Variants in CLIP2 observed in about 807,000 individuals in gnomAD.
The protein encoded by CLIP2 is CAP-Gly domain containing linker protein 2, also known as CAP-Gly domain-containing linker protein 2.
In CLIP2, 41 loss-of-function variants were observed where a neutral mutation model predicts 111.7. The ratio of observed to expected loss-of-function variants is 0.37; its 90% CI spans 0.29 to 0.48. The LOEUF (loss-of-function observed/expected upper bound fraction) is 0.48, where lower values mean the gene tolerates loss of function less well. Ranked by LOEUF, CLIP2 falls within the 20% of genes least tolerant of loss-of-function variation. The pLI is 0.99. For synonymous variants in CLIP2, 660 were observed against 644.2 expected (o/e 1.02, Z -0.37); for missense variants, 1,160 against 1,422.1 (o/e 0.82, Z 2.96).
chr7:74,328,321 G>A (rs1789177177), intron 2 of CLIP2, among the ~76,000 whole-genome samples: 1 of 152,200 alleles, frequency 6.6e-6, no homozygotes, highest in Non-Finnish European at 1.5e-5. Context: ...GGAGAGAAAA[G>A]GAGGCTCAGG....
intron 4 of CLIP2, among the ~76,000 whole-genome samples, chr7:74,354,751 A>G (rs1790101094): frequency 6.6e-6 from 1 of 152,142 alleles, no homozygotes; most frequent in Non-Finnish European, 1.5e-5. Flanking sequence ...AGCCTGGGCA[A>G]TAGAGCAAGA....
intron 1 of CLIP2, among the ~76,000 whole-genome samples, chr7:74,310,860 C>T (rs1008729140): frequency 2.0e-5 from 3 of 151,936 alleles, no homozygotes; most frequent in Non-Finnish European, 2.9e-5. Flanking sequence ...CACAGGCACA[C>T]GCCACCATGC....
intron 2 of CLIP2, among the ~76,000 whole-genome samples, chr7:74,321,986 CTT>C (rs34549907): frequency 3.2e-5 from 4 of 125,420 alleles, no homozygotes; most frequent in Admixed American, 9.1e-5. Context: ...TTTATTTTTC[CTT>C]TTTTTTTTTT....
intron 10 of CLIP2, among the ~76,000 whole-genome samples, chr7:74,379,252 C>G (rs972466719): frequency 6.6e-6 from 1 of 151,570 alleles, no homozygotes; most frequent in Non-Finnish European, 1.5e-5. Flanking sequence ...TTACTTGAAC[C>G]CGGGACGTGG....
At chr7:74,364,143 C>T in intron 7 of CLIP2, 112 bp from the exon 8 acceptor site, 1 of 932,310 alleles carries the variant, frequency 1.1e-6, no homozygotes, top group Non-Finnish European at 1.6e-6. Context: ...ATGGCCTCGC[C>T]TCTGGATTCT....
At chr7:74,326,866 G>C (rs999953410) in intron 2 of CLIP2, among the ~76,000 whole-genome samples, 1 of 151,846 alleles carries the variant, frequency 6.6e-6, no homozygotes, top group African/African-American at 2.4e-5. Flanking sequence ...TTGAACTCCT[G>C]ACCTCGTGAT....
chr7:74,334,757 G>T (rs1433201304), intron 2 of CLIP2, among the ~76,000 whole-genome samples: 3 of 150,140 alleles, frequency 2.0e-5, no homozygotes, highest in African/African-American at 4.9e-5. Flanking sequence ...AGGCAGGAGG[G>T]TCACTTGAGG....
rs782084312 is a variant in CLIP2, at chr7:74,356,365, G to A, written c.804-45G>A. 4 of 1,558,356 alleles carry A rather than the reference G, an allele frequency of 2.6e-6. No homozygotes were observed. The East Asian group carries it at 6.7e-5, about 26-fold the overall frequency. On this transcript the variant is annotated intron_variant, in intron 4 of 16. Transcript: ENST00000223398. Reference sequence around the variant, plus strand: ...AGAGGAGGCAGGGGAGGCTCTCCAGGCTTTGGGGCCGTGACAGCAGCTTGG... The same window carrying A: ...AGAGGAGGCAGGGGAGGCTCTCCAGACTTTGGGGCCGTGACAGCAGCTTGG...
intron 4 of CLIP2, among the ~76,000 whole-genome samples, 174 bp downstream of exon 4, chr7:74,354,178 A>G (rs1389104831): frequency 6.6e-6 from 1 of 152,158 alleles, no homozygotes; most frequent in African/African-American, 2.4e-5. Flanking sequence ...TAGTGGGATT[A>G]TCATCCCATT....
At chr7:74,375,130 G>C (rs1207839743) in intron 9 of CLIP2, among the ~76,000 whole-genome samples, 1 of 151,954 alleles carries the variant, frequency 6.6e-6, no homozygotes, top group African/African-American at 2.4e-5. Flanking sequence ...TGCCCATAGA[G>C]TCCCAGCTGC....
chr7:74,319,616 C>T (rs948534621), intron 2 of CLIP2, among the ~76,000 whole-genome samples: 6 of 150,042 alleles, frequency 4.0e-5, no homozygotes, highest in African/African-American at 1.5e-4. Context: ...CTAGGAGTTC[C>T]AGACCAGCCT....
intron 3 of CLIP2, among the ~76,000 whole-genome samples, chr7:74,353,253 C>CA (rs1304362336): frequency 7.0e-6 from 1 of 142,858 alleles, no homozygotes; most frequent in Non-Finnish European, 1.5e-5. Flanking sequence ...CACGAAAACC[C>CA]TTTTTTTTTT....
At chr7:74,303,943 G>A (rs1788408013) in intron 1 of CLIP2, among the ~76,000 whole-genome samples, 2 of 149,284 alleles carry the variant, frequency 1.3e-5, no homozygotes, top group South Asian at 4.2e-4. Flanking sequence ...GTCTTGCTCT[G>A]TGGCCCAGGA....
chr7:74,334,859 G>A (rs574816687), intron 2 of CLIP2, among the ~76,000 whole-genome samples: 4 of 150,146 alleles, frequency 2.7e-5, no homozygotes, highest in South Asian at 2.1e-4. Context: ...GTGCTGGCAC[G>A]CACCTATAAT....
intron 11 of CLIP2, among the ~76,000 whole-genome samples, chr7:74,385,122 CAAAAAAAAA>C (rs71094780): frequency 3.9e-5 from 2 of 51,614 alleles, no homozygotes; most frequent in African/African-American, 1.4e-4. Flanking sequence ...ATTAAAAATA[CAAAAAAAAA>C]AAAAAAAAAA....
At chr7:74,385,962 G>C (rs549715744) in intron 11 of CLIP2, among the ~76,000 whole-genome samples, 1 of 151,038 alleles carries the variant, frequency 6.6e-6, no homozygotes, top group African/African-American at 2.4e-5. Flanking sequence ...GGCTGGTCTC[G>C]AACTCCCGAC....
chr7:74,314,055 C>T (rs1194339846), intron 1 of CLIP2, among the ~76,000 whole-genome samples: 2 of 151,718 alleles, frequency 1.3e-5, no homozygotes, highest in Non-Finnish European at 2.9e-5. Context: ...TGGTGGCGGG[C>T]GCCTGTAGTC....
At chr7:74,402,231 G>A (rs1791641992) in intron 16 of CLIP2, among the ~76,000 whole-genome samples, 1 of 151,408 alleles carries the variant, frequency 6.6e-6, no homozygotes, top group East Asian at 1.9e-4. Flanking sequence ...TCTGGAGGCT[G>A]AGGCAGGATA....
At chr7:74,355,895 G>C (rs958043416) in intron 4 of CLIP2, among the ~76,000 whole-genome samples, 2 of 152,186 alleles carry the variant, frequency 1.3e-5, no homozygotes, top group African/African-American at 4.8e-5. Flanking sequence ...TCTGGGGATG[G>C]TCTGAGGGTA....
Sources: allele counts gnomAD v4.1 joint callset (sites outside exome capture counted in the v4.1 genomes callset), GRCh38; gene constraint gnomAD v4.1.1; transcripts MANE v1.5; gene names NCBI Gene and HGNC (gene_info 2026-07-23, HGNC 2026-07-21).